The following ZDHHC11B variants were observed in gnomAD, a reference collection of about 807,000 sequenced individuals.
The protein encoded by ZDHHC11B is zDHHC palmitoyltransferase 11B (putative), also known as probable palmitoyltransferase ZDHHC11B.
In ZDHHC11B, 17 loss-of-function variants were observed where a neutral mutation model predicts 42.3. The ratio of observed to expected loss-of-function variants is 0.40; its 90% confidence interval spans 0.27 to 0.60. The LOEUF (loss-of-function observed/expected upper bound fraction) is 0.60, where lower values mean the gene tolerates loss of function less well. Among genes scored for constraint, ZDHHC11B ranks in the 20% least tolerant of loss-of-function variants. ZDHHC11B has a pLI of 0.41. For synonymous variants in ZDHHC11B, 123 were observed against 193.5 expected (o/e 0.64, Z 3.02); for missense variants, 262 against 463.2 (o/e 0.57, Z 3.99).
At chr5:760,607 GGA>G (rs1376166081) in intron 4 of ZDHHC11B, among the ~76,000 whole-genome samples, 2 of 151,846 alleles carry the variant, frequency 1.3e-5, no homozygotes, top group Non-Finnish European at 2.9e-5. Flanking sequence ...TGATGCTGAG[GGA>G]GAGAGACAGA....
intron 12 of ZDHHC11B, among the ~76,000 whole-genome samples, chr5:722,863 A>G (rs1742294274): frequency 6.6e-6 from 1 of 151,706 alleles, no homozygotes; most frequent in Middle Eastern, 3.4e-3. Context: ...GCAATTTAGT[A>G]CTAAGTGAAA....
chr5:746,262 T>C (rs1744800912), intron 8 of ZDHHC11B, among the ~76,000 whole-genome samples: 1 of 146,250 alleles, frequency 6.8e-6, no homozygotes, highest in Non-Finnish European at 1.5e-5. Flanking sequence ...GAGGCCTATT[T>C]GCAGTGAGGA....
chr5:777,704 C>T (rs1736642966), intron 1 of ZDHHC11B, among the ~76,000 whole-genome samples: 1 of 150,796 alleles, frequency 6.6e-6, no homozygotes, highest in South Asian at 2.1e-4. Flanking sequence ...ATTGACAAGC[C>T]TTTAGCTAGA....
At chr5:757,967 A>C (rs1353187715) in intron 4 of ZDHHC11B, among the ~76,000 whole-genome samples, 3 of 151,738 alleles carry the variant, frequency 2.0e-5, no homozygotes, top group Non-Finnish European at 2.9e-5. Context: ...GCCCCACCGG[A>C]CTTGGGAGTG....
At chr5:762,824 T>C (rs1224061883) in intron 4 of ZDHHC11B, among the ~76,000 whole-genome samples, 3 of 150,730 alleles carry the variant, frequency 2.0e-5, no homozygotes, top group African/African-American at 7.3e-5. Context: ...TTTTTTTTAA[T>C]AGAATAAAAA....
chr5:764,392 G>A (rs1426229969), intron 4 of ZDHHC11B, among the ~76,000 whole-genome samples: 2 of 149,798 alleles, frequency 1.3e-5, no homozygotes, highest in Non-Finnish European at 3.0e-5. Flanking sequence ...TGAAGGGAGA[G>A]GCACAGGCGG....
intron 4 of ZDHHC11B, among the ~76,000 whole-genome samples, chr5:758,676 TC>T (rs371074891): frequency 6.6e-6 from 1 of 151,012 alleles, no homozygotes; most frequent in Admixed American, 6.6e-5. Flanking sequence ...GGCAAGGGAC[TC>T]CCCCCCACCA....
intron 12 of ZDHHC11B, among the ~76,000 whole-genome samples, chr5:721,742 G>C: frequency 6.6e-6 from 1 of 151,778 alleles, no homozygotes; most frequent in East Asian, 1.9e-4. Context: ...CACTGGAAAG[G>C]AAAGAGTGGG....
chr5:763,997 C>T (rs372031696), intron 4 of ZDHHC11B, among the ~76,000 whole-genome samples: 16 of 152,022 alleles, frequency 1.1e-4, no homozygotes, highest in East Asian at 5.8e-4. Context: ...AACTGAAAGA[C>T]GCCACAGGAA....
At chr5:784,344 C>T (rs1204802531) in intron 1 of ZDHHC11B, among the ~76,000 whole-genome samples, 1 of 151,998 alleles carries the variant, frequency 6.6e-6, no homozygotes, top group Non-Finnish European at 1.5e-5. Context: ...CAGGGGCGTC[C>T]GTGGCCGCGA....
Position 766,693 on chromosome 5 carries a change from GA to G in ZDHHC11B, c.222+4del, listed in dbSNP as rs780537671. The stretch of plus-strand genomic sequence containing the variant: ...GCTTAGACCATGCCACGATGAAAAG[GA>G]TACCACATAGGCGATGTATTTCCAC... On this transcript the variant is annotated splice_donor_region_variant and intron_variant, in intron 4 of 13. Coordinates refer to ENST00000508859, the MANE Select transcript of ZDHHC11B (RefSeq NM_001351303.2). 3.2e-5 allele frequency: 52 copies of G among 1,604,492 alleles called. 2 individuals carry two copies. The East Asian group carries it at 1.0e-3, about 31-fold the overall frequency.
At chr5:729,673 T>C (rs1742864724) in intron 12 of ZDHHC11B, among the ~76,000 whole-genome samples, 1 of 150,810 alleles carries the variant, frequency 6.6e-6, no homozygotes, top group South Asian at 2.1e-4. Context: ...TTTAGTAGAG[T>C]GTAGGAGCGC....
At chr5:758,805 G>A (rs185161489) in intron 4 of ZDHHC11B, among the ~76,000 whole-genome samples, 2 of 152,026 alleles carry the variant, frequency 1.3e-5, no homozygotes, top group African/African-American at 4.8e-5. Flanking sequence ...TCCATTGGCC[G>A]CACTTTGGCC....
chr5:784,413 C>G (rs1469772369), intron 1 of ZDHHC11B, among the ~76,000 whole-genome samples: 5 of 152,122 alleles, frequency 3.3e-5, no homozygotes, highest in African/African-American at 7.2e-5. Context: ...GTCCCTGGCG[C>G]GGCCGACGGT....
intron 4 of ZDHHC11B, among the ~76,000 whole-genome samples, chr5:762,810 G>A (rs1209552230): frequency 8.6e-6 from 1 of 115,846 alleles, no homozygotes. Context: ...AATAAAAGCA[G>A]AATTTTTTTT....
intron 12 of ZDHHC11B, 112 bp downstream of exon 12, chr5:730,322 A>T (rs1418190719): frequency 7.7e-7 from 1 of 1,300,838 alleles, no homozygotes; most frequent in African/African-American, 1.5e-5. Context: ...ACTTTCCCTT[A>T]TGTCATCAGA....
chr5:754,303 CG>C (rs1746251468), intron 6 of ZDHHC11B, among the ~76,000 whole-genome samples: 2 of 128,338 alleles, frequency 1.6e-5, no homozygotes. Flanking sequence ...AAACACCTCT[CG>C]CCTATGAGCC....
At chr5:769,891 G>T (rs1486064560) in intron 1 of ZDHHC11B, among the ~76,000 whole-genome samples, 1 of 151,926 alleles carries the variant, frequency 6.6e-6, no homozygotes, top group Non-Finnish European at 1.5e-5. Context: ...AAGGCCTCTC[G>T]GCAGCTTTTC....
At chr5:728,711 A>C (rs1371024710) in intron 12 of ZDHHC11B, among the ~76,000 whole-genome samples, 1 of 151,944 alleles carries the variant, frequency 6.6e-6, no homozygotes, top group African/African-American at 2.4e-5. Flanking sequence ...TTAGGTATTA[A>C]ATTCTCCCCC....
Sources: gnomAD v4.1 joint callset for allele counts (sites outside exome capture counted in the v4.1 genomes callset) on GRCh38, gnomAD v4.1.1 for gene constraint, MANE v1.5 for transcripts, NCBI Gene and HGNC (gene_info 2026-07-23, HGNC 2026-07-21) for gene names.